PCDH11X: variants seen among roughly 807,000 people sequenced by gnomAD.
The protein encoded by PCDH11X is protocadherin 11 X-linked, also known as protocadherin-11 X-linked.
Under a neutral mutation model 53.3 loss-of-function variants are expected in PCDH11X, and 18 were observed. The observed-to-expected ratio is 0.34, with a 90% CI of 0.23 to 0.50. The LOEUF (loss-of-function observed/expected upper bound fraction) is 0.50, where lower values mean the gene tolerates loss of function less well. Among genes scored for constraint, PCDH11X ranks in the 20% least tolerant of loss-of-function variants. PCDH11X has a pLI of 0.98. For missense variants in PCDH11X, 570 were observed against 1,032.4 expected, an observed-to-expected ratio of 0.55 and a Z score of 6.14; for synonymous variants, 279 against 393.3, an observed-to-expected ratio of 0.71 and a Z score of 3.44.
chrX:91,857,387 C>CCT (rs781007947), intron 5 of PCDH11X, among the ~76,000 whole-genome samples: 1 of 111,294 alleles, frequency 9.0e-6, no homozygotes, highest in Admixed American at 9.5e-5. Flanking sequence ...GCCCCTGGCC[C>CCT]CTCCCAGAAC....
intron 6 of PCDH11X, among the ~76,000 whole-genome samples, chrX:91,940,335 A>G (rs1270245093): frequency 9.0e-6 from 1 of 111,384 alleles, no homozygotes; most frequent in East Asian, 2.8e-4. Flanking sequence ...ATAGTAACGC[A>G]AGAACAGCCT....
chrX:92,620,787 A>C lies in PCDH11X; in HGVS notation c.*1847A>C, dbSNP rs1001911552. On this transcript the variant is annotated 3_prime_UTR_variant, in exon 11 of 11. Coordinates refer to ENST00000682573, the MANE Select transcript of PCDH11X (RefSeq NM_032968.5). Reference sequence around the variant, plus strand: ...TTTAACTATCAGAGTTTGATTAATAAAATTAATTAATGTTTTTTCTCCTTC... The same window carrying C: ...TTTAACTATCAGAGTTTGATTAATACAATTAATTAATGTTTTTTCTCCTTC... The C allele has an allele frequency of 8.2e-5, 9 of 109,483 alleles. No homozygotes were observed. Among genetic ancestry groups the C allele is most frequent in the Non-Finnish European group, 1.1e-4 (6 of 52,668 alleles). The allele number at this position is 109,483 out of a possible 1,213,427, so 9.0% of individuals were successfully genotyped here. A position where few individuals can be genotyped will look rare whatever the true frequency, so the allele number is the denominator to read the frequency against.
chrX:92,579,751 G>T (rs1923424855), intron 10 of PCDH11X, among the ~76,000 whole-genome samples: 1 of 111,652 alleles, frequency 9.0e-6, no homozygotes, highest in Admixed American at 9.5e-5. Context: ...TGTCAATTCA[G>T]CCATCTCAGC....
intron 8 of PCDH11X, among the ~76,000 whole-genome samples, chrX:92,378,687 G>A (rs994933639): frequency 4.5e-5 from 5 of 111,363 alleles, no homozygotes; most frequent in Non-Finnish European, 9.4e-5. Flanking sequence ...CTCACTTCCT[G>A]GTTCATAGAC....
intron 10 of PCDH11X, among the ~76,000 whole-genome samples, chrX:92,577,699 A>C (rs190575381): frequency 9.0e-6 from 1 of 111,249 alleles, no homozygotes; most frequent in East Asian, 2.8e-4. Context: ...ATGTTCTCTT[A>C]ACATTGCTTT....
chrX:91,836,774 T>C (rs749925161), intron 5 of PCDH11X, among the ~76,000 whole-genome samples: 1 of 111,209 alleles, frequency 9.0e-6, no homozygotes, highest in South Asian at 3.8e-4. Flanking sequence ...TTGATTTGGG[T>C]CTTAGGATGG....
chrX:92,199,471 A>T (rs2066352662), intron 6 of PCDH11X, among the ~76,000 whole-genome samples: 2 of 111,988 alleles, frequency 1.8e-5, no homozygotes, highest in African/African-American at 6.5e-5. Flanking sequence ...AGAAATACAG[A>T]TCTGCATTTT....
intron 6 of PCDH11X, among the ~76,000 whole-genome samples, chrX:92,012,166 A>G (rs1303980219): frequency 9.1e-6 from 1 of 109,597 alleles, no homozygotes; most frequent in African/African-American, 3.3e-5. Flanking sequence ...TGGTGAATAC[A>G]TAGAACAGAT....
chrX:92,542,734 GATTGTC>G (rs2074778976), intron 10 of PCDH11X, among the ~76,000 whole-genome samples: 1 of 110,998 alleles, frequency 9.0e-6, no homozygotes, highest in African/African-American at 3.3e-5. Flanking sequence ...CTTTAAAAAA[GATTGTC>G]ATTTATTTTC....
intron 1 of PCDH11X, among the ~76,000 whole-genome samples, chrX:91,799,427 A>AT (rs1347040682): frequency 9.0e-6 from 1 of 111,566 alleles, no homozygotes; most frequent in Non-Finnish European, 1.9e-5. Flanking sequence ...AGTAAAACAC[A>AT]TTTTTTTGGT....
intron 10 of PCDH11X, among the ~76,000 whole-genome samples, chrX:92,607,737 G>A (rs1448896633): frequency 9.0e-6 from 1 of 111,639 alleles, no homozygotes; most frequent in African/African-American, 3.3e-5. Flanking sequence ...AAACTATGAT[G>A]TATTATTTTT....
intron 8 of PCDH11X, among the ~76,000 whole-genome samples, chrX:92,270,086 T>C (rs1288560153): frequency 9.1e-6 from 1 of 109,595 alleles, no homozygotes; most frequent in African/African-American, 3.3e-5. Context: ...ATTCCTTCTG[T>C]ATCTTTCAAT....
At chrX:92,050,455 C>G (rs1024278653) in intron 6 of PCDH11X, among the ~76,000 whole-genome samples, 35 of 109,943 alleles carry the variant, frequency 3.2e-4, no homozygotes, top group Non-Finnish European at 5.9e-4. Context: ...CTAAAGTTTG[C>G]AGTATATGTA....
intron 1 of PCDH11X, among the ~76,000 whole-genome samples, chrX:91,789,200 C>CAAAA (rs764959497): frequency 7.0e-4 from 33 of 47,158 alleles, no homozygotes; most frequent in Admixed American, 1.4e-3. Context: ...GACTCCGTCT[C>CAAAA]AAAAAAAAAA....
In PCDH11X at chrX:91,965,077, A is replaced by G. The variant is rs1215452035; in HGVS notation, c.3033+85804A>G. Among the ~76,000 whole-genome samples, 3 of 111,067 alleles carry G rather than the reference A, an allele frequency of 2.7e-5. No individual in the cohort carries two copies. The Admixed American group carries it at 2.9e-4, about 11-fold the overall frequency. On this transcript the variant is annotated intron_variant, in intron 6 of 10. Coordinates refer to ENST00000682573, the MANE Select transcript of PCDH11X (RefSeq NM_032968.5). ...ATTTTCTTTACTTTTGCATTCAGTA[A>G]TTTAATGTACATTCAGCTCTTTAAA...
intron 9 of PCDH11X, among the ~76,000 whole-genome samples, chrX:92,408,632 G>A (rs1367003302): frequency 9.0e-6 from 1 of 110,886 alleles, no homozygotes; most frequent in African/African-American, 3.3e-5. Context: ...AGGCTGGAGT[G>A]CAGTGGCGCG....
At chrX:92,015,812 G>C (rs1458219629) in intron 6 of PCDH11X, among the ~76,000 whole-genome samples, 4 of 111,700 alleles carry the variant, frequency 3.6e-5, no homozygotes, top group Non-Finnish European at 7.5e-5. Flanking sequence ...TTGATATTTT[G>C]ACCTCCTCCC....
At chrX:92,057,060 A>G (rs1602775923) in intron 6 of PCDH11X, among the ~76,000 whole-genome samples, 1 of 110,627 alleles carries the variant, frequency 9.0e-6, no homozygotes, top group East Asian at 2.8e-4. Flanking sequence ...AAACAAACAA[A>G]AAACAACAAA....
At chrX:92,394,252 AGT>A (rs1417474072) in intron 9 of PCDH11X, among the ~76,000 whole-genome samples, 3 of 111,647 alleles carry the variant, frequency 2.7e-5, no homozygotes, top group Non-Finnish European at 5.7e-5. Flanking sequence ...CTCTAAGACG[AGT>A]GTATCTTTAA....
Sources: allele counts gnomAD v4.1 joint callset (sites outside exome capture counted in the v4.1 genomes callset), GRCh38; gene constraint gnomAD v4.1.1; transcripts MANE v1.5; gene names NCBI Gene and HGNC (gene_info 2026-07-23, HGNC 2026-07-21).